Variants in KIF2A observed in about 807,000 individuals in gnomAD.
KIF2A encodes kinesin family member 2A, also known as kinesin-like protein KIF2A.
Under a neutral mutation model 100.2 loss-of-function variants are expected in KIF2A, and 22 were observed. That is an observed-to-expected ratio of 0.22 (90% CI 0.16 to 0.31). The LOEUF is 0.31. Among genes scored for constraint, KIF2A ranks in the 10% least tolerant of loss-of-function variants. KIF2A has a pLI of 1.00. For missense variants in KIF2A, 495 were observed against 898.7 expected (o/e 0.55, Z 5.74); for synonymous variants, 268 against 285.9 (o/e 0.94, Z 0.63).
At chr5:62,323,538 AAAG>A (rs1212370867) in intron 1 of KIF2A, among the ~76,000 whole-genome samples, 3 of 151,888 alleles carry the variant, frequency 2.0e-5, no homozygotes, top group African/African-American at 2.4e-5. Flanking sequence ...AAAAAAAAAA[AAAG>A]AAGAATGTTA....
Position 62,372,323 on chromosome 5 carries a change from A to C in KIF2A, c.1647-115A>C, listed in dbSNP as rs16875037. 0.066 allele frequency: 43,921 copies of C among 662,636 alleles called. 1,761 individuals carry two copies. Among genetic ancestry groups the C allele is most frequent in the East Asian group, 0.12 (4,344 of 36,362 alleles). The allele number at this position is 662,636 out of a possible 1,614,324, so 41.0% of individuals were successfully genotyped here. ...AATAATATTCTAAATACATTGTCACAACAATATCAATATCCTTTTCTAAAC... is the reference window on the plus strand; with the variant it reads ...AATAATATTCTAAATACATTGTCACCACAATATCAATATCCTTTTCTAAAC... On this transcript the variant is annotated intron_variant, in intron 16 of 20. Coordinates refer to ENST00000407818, the MANE Select transcript of KIF2A (RefSeq NM_001098511.3).
chr5:62,347,798 A>AT (rs1747651277), intron 2 of KIF2A, among the ~76,000 whole-genome samples: 1 of 151,596 alleles, frequency 6.6e-6, no homozygotes, highest in African/African-American at 2.4e-5. Context: ...TAATTTTTGT[A>AT]TTTTTTGTAG....
rs767169887 is a variant in KIF2A, at chr5:62,345,387, C to CA, written c.65-1732dup. ...TGGGTGACAGAGCAAGACTCTGTCTCAAAAAAAAAAAGAGCTGGGCATGGT... is the reference window on the plus strand; with the variant it reads ...TGGGTGACAGAGCAAGACTCTGTCTCAAAAAAAAAAAAGAGCTGGGCATGGT... On this transcript the variant is annotated intron_variant, in intron 1 of 20. Transcript: ENST00000407818. 2.3e-3 allele frequency among the ~76,000 whole-genome samples: 252 copies of CA among 107,334 alleles called. 1 individual carries two copies. Among genetic ancestry groups the CA allele is most frequent in the East Asian group, 8.0e-3 (29 of 3,610 alleles). The allele number at this position is 107,334 out of a possible 152,430, so 70.4% of individuals were successfully genotyped here.
intron 9 of KIF2A, among the ~76,000 whole-genome samples, chr5:62,360,577 C>T (rs1748353644): frequency 6.6e-6 from 1 of 151,840 alleles, no homozygotes; most frequent in African/African-American, 2.4e-5. Context: ...CCCAGCTACT[C>T]GGGAGGCTGA....
Position 62,389,075 on chromosome 5 carries a change from A to T in KIF2A, c.*3506A>T. 1 of 1,605,998 alleles carries T rather than the reference A, an allele frequency of 6.2e-7. No individual in the cohort carries two copies. Among genetic ancestry groups the T allele is most frequent in the Non-Finnish European group, 8.5e-7 (1 of 1,174,718 alleles). ...AATCTGAAAAAAGAAATCAAAATGG[A>T]ATGGTACTGAAAAGCTAATTTGTAG... On this transcript the variant is annotated 3_prime_UTR_variant, in exon 21 of 21. Coordinates refer to ENST00000407818, the MANE Select transcript of KIF2A (RefSeq NM_001098511.3).
At chr5:62,355,886 AT>A (rs1748078511) in intron 7 of KIF2A, among the ~76,000 whole-genome samples, 1 of 149,440 alleles carries the variant, frequency 6.7e-6, no homozygotes, top group African/African-American at 2.5e-5. Context: ...AGTTCAAGCG[AT>A]TCTCCTGTCT....
chr5:62,358,660 A>G (rs1354278557), intron 9 of KIF2A, among the ~76,000 whole-genome samples: 2 of 152,176 alleles, frequency 1.3e-5, no homozygotes, highest in Non-Finnish European at 2.9e-5. Flanking sequence ...TAATCTCTGT[A>G]CTAATAAAGA....
At chr5:62,326,294 G>A (rs1290159473) in intron 1 of KIF2A, among the ~76,000 whole-genome samples, 1 of 152,012 alleles carries the variant, frequency 6.6e-6, no homozygotes, top group East Asian at 1.9e-4. Context: ...GGTTAGTGGA[G>A]ACACCATATA....
At chr5:62,326,519 G>A (rs1746386457) in intron 1 of KIF2A, among the ~76,000 whole-genome samples, 2 of 151,800 alleles carry the variant, frequency 1.3e-5, no homozygotes, top group African/African-American at 4.8e-5. Context: ...CCTTTGCTGT[G>A]GACACATTTT....
In KIF2A at chr5:62,366,830, C is replaced by CAA. The variant is rs753260744; in HGVS notation, c.1646+364_1646+365dup. On this transcript the variant is annotated intron_variant, in intron 16 of 20. Transcript: ENST00000407818. ...TGGGCAACAGAGTGAGACTCCGTCT[C>CAA]AAAAAAAAAAAAAAAATTAATATTT... Among the ~76,000 whole-genome samples, 359 of 82,052 alleles carry CAA rather than the reference C, an allele frequency of 4.4e-3. 1 individual carries two copies. Among genetic ancestry groups the CAA allele is most frequent in the African/African-American group, 0.015 (342 of 23,178 alleles). The allele number at this position is 82,052 out of a possible 152,430, so 53.8% of individuals were successfully genotyped here.
chr5:62,354,002 A>G (rs1561269144), intron 6 of KIF2A, among the ~76,000 whole-genome samples: 1 of 152,136 alleles, frequency 6.6e-6, no homozygotes, highest in East Asian at 1.9e-4. Context: ...TATGGCATCT[A>G]TTACATTTTC....
At chr5:62,354,514 A>G (rs1398058629) in intron 6 of KIF2A, among the ~76,000 whole-genome samples, 1 of 152,144 alleles carries the variant, frequency 6.6e-6, no homozygotes, top group Non-Finnish European at 1.5e-5. Flanking sequence ...TTGTATCTTA[A>G]TCTGAATTTC....
rs774278609 is a variant in KIF2A at position 62,348,162 on chromosome 5, G to A, written c.274G>A (p.Val92Ile). ...ATCCTCAGCCAAAGTAAACAAAATT[G>A]TAAAGGTTAGTGATGAAAATTCAGA... ...PASSAKVNKI[V>I]KNRRTVASIK... is the part of the protein sequence containing the mutation. The change falls in exon 3 of 21, where the codon GTA (valine) becomes ATA (isoleucine). Residue 92 changes from valine (V) to isoleucine (I), a missense_variant. Val to Ile is a conservative substitution (Grantham distance 29, BLOSUM62 3). Around this residue, in one of 10 missense-constraint regions of KIF2A, gnomAD observed 115 missense variants for 143.6 expected, o/e 0.80. Transcript: ENST00000407818. 1.2e-6 allele frequency: 2 copies of A among 1,613,416 alleles called. No homozygotes were observed. The highest frequency in any genetic ancestry group is 1.7e-6 in the Non-Finnish European group (2 of 1,179,652).
intron 1 of KIF2A, among the ~76,000 whole-genome samples, chr5:62,343,617 ACTCACTT>A (rs1365059526): frequency 6.6e-6 from 1 of 152,060 alleles, no homozygotes; most frequent in Non-Finnish European, 1.5e-5. Context: ...GTAATATCTG[ACTCACTT>A]TTTACCAGGA....
At chr5:62,333,666 C>T (rs1047324514) in intron 1 of KIF2A, among the ~76,000 whole-genome samples, 10 of 152,298 alleles carry the variant, frequency 6.6e-5, no homozygotes, top group African/African-American at 1.9e-4. Flanking sequence ...AACACCCTAC[C>T]ACACTGACAG....
chr5:62,326,129 T>TAAAAA (rs369094625), intron 1 of KIF2A, among the ~76,000 whole-genome samples: 1 of 151,030 alleles, frequency 6.6e-6, no homozygotes, highest in Non-Finnish European at 1.5e-5. Context: ...AAATAAAAGT[T>TAAAAA]AAAAAAAAAT....
intron 1 of KIF2A, among the ~76,000 whole-genome samples, chr5:62,318,307 T>C (rs1251798469): frequency 6.6e-6 from 1 of 152,198 alleles, no homozygotes; most frequent in Non-Finnish European, 1.5e-5. Context: ...GGTCTCGATC[T>C]GCTGACCTCG....
rs1742172147 is a variant in KIF2A at position 62,389,098 on chromosome 5, T to G, written c.*3529T>G. ...GGAATGGTACTGAAAAGCTAATTTGTAGCACATAACGGTATATAGTTCTAT... is the reference window on the plus strand; with the variant it reads ...GGAATGGTACTGAAAAGCTAATTTGGAGCACATAACGGTATATAGTTCTAT... On this transcript the variant is annotated 3_prime_UTR_variant, in exon 21 of 21. Transcript: ENST00000407818. 6.5e-7 allele frequency: 1 copy of G among 1,537,510 alleles called. No individual in the cohort carries two copies. The highest frequency in any genetic ancestry group is 1.4e-5 in the African/African-American group (1 of 72,718).
chr5:62,390,978 A>G lies in KIF2A; in HGVS notation c.*5409A>G, dbSNP rs1257850050. 1 of 1,612,106 alleles carries G rather than the reference A, an allele frequency of 6.2e-7. No individual in the cohort carries two copies. The highest frequency in any genetic ancestry group is 2.2e-5 in the East Asian group (1 of 44,874). On this transcript the variant is annotated 3_prime_UTR_variant, in exon 21 of 21. Coordinates refer to ENST00000407818, the MANE Select transcript of KIF2A (RefSeq NM_001098511.3). ...ATCTGCTATGCTGAAATCTTCTGGT[A>G]TTATCTATCAATATAAGATTCAGAA...
Sources: gnomAD v4.1 joint callset for allele counts (sites outside exome capture counted in the v4.1 genomes callset) on GRCh38, gnomAD v4.1.1 for gene constraint, gnomAD v4.1.1 regional missense constraint, MANE v1.5 for transcripts, NCBI Gene and HGNC (gene_info 2026-07-23, HGNC 2026-07-21) for gene names.